The following CRY1 variants were observed in gnomAD, a reference collection of about 807,000 sequenced individuals.
CRY1 encodes the protein cryptochrome-1.
A neutral mutation model predicts 76.0 loss-of-function variants in CRY1; 45 were observed. The observed-to-expected ratio is 0.59, with a 90% CI of 0.47 to 0.76. CRY1 has a LOEUF of 0.76. Ranked by LOEUF, CRY1 falls within the 30% of genes least tolerant of loss-of-function variation. The pLI is 0.00. For missense variants in CRY1, 587 were observed against 716.4 expected, an observed-to-expected ratio of 0.82 and a Z score of 2.06; for synonymous variants, 248 against 244.0, an observed-to-expected ratio of 1.02 and a Z score of -0.15.
At chr12:107,071,710 A>G (rs1231253358) in intron 1 of CRY1, among the ~76,000 whole-genome samples, 2 of 152,226 alleles carry the variant, frequency 1.3e-5, no homozygotes, top group African/African-American at 4.8e-5. Flanking sequence ...AGAAGAAAAA[A>G]ATAAATATCT....
chr12:107,009,563 CAT>C lies in CRY1; in HGVS notation c.268-4317_268-4316del, dbSNP rs869185018. ...CAGAAAAAACAAAAAAACAAAAAAA[CAT>C]ATATATATATATATATATATATATA... is the stretch of plus-strand genomic sequence containing the variant. On this transcript the variant is annotated intron_variant, in intron 2 of 12. Transcript: ENST00000008527. Among the ~76,000 whole-genome samples the C allele has an allele frequency of 2.7e-3, 250 of 90,942 alleles. 1 individual carries two copies. Among genetic ancestry groups the C allele is most frequent in the Non-Finnish European group, 3.8e-3 (183 of 48,250 alleles). The allele number at this position is 90,942 out of a possible 152,430, so 59.7% of individuals were successfully genotyped here.
chr12:107,066,631 AATTTTTGT>A (rs1953114855), intron 1 of CRY1, among the ~76,000 whole-genome samples: 1 of 151,954 alleles, frequency 6.6e-6, no homozygotes. Context: ...ACATCTGGCT[AATTTTTGT>A]ATTTTTTGTT....
chr12:107,075,964 C>T (rs540923567), intron 1 of CRY1, among the ~76,000 whole-genome samples: 33 of 152,112 alleles, frequency 2.2e-4, no homozygotes, highest in African/African-American at 7.7e-4. Flanking sequence ...TTGACATTTA[C>T]TGTGATATAG....
At chr12:107,084,219 T>C (rs879843915) in intron 1 of CRY1, among the ~76,000 whole-genome samples, 1 of 152,168 alleles carries the variant, frequency 6.6e-6, no homozygotes, top group Non-Finnish European at 1.5e-5. Flanking sequence ...TGCTCATGGA[T>C]AGGAAGAATC....
chr12:107,000,383 G>T (rs1339068103), intron 5 of CRY1, among the ~76,000 whole-genome samples: 1 of 150,846 alleles, frequency 6.6e-6, no homozygotes, highest in Admixed American at 6.6e-5. Flanking sequence ...ACAGGGTCTC[G>T]CTCTGTCACC....
intron 1 of CRY1, among the ~76,000 whole-genome samples, chr12:107,051,029 A>T (rs1952913068): frequency 6.6e-6 from 1 of 152,204 alleles, no homozygotes; most frequent in Non-Finnish European, 1.5e-5. Context: ...ATAGCCACTA[A>T]ATATGATGTG....
chr12:107,088,845 G>A (rs745751618), intron 1 of CRY1, among the ~76,000 whole-genome samples: 1 of 152,126 alleles, frequency 6.6e-6, no homozygotes, highest in Non-Finnish European at 1.5e-5. Context: ...TCACCTTCTA[G>A]AACAGTTTCA....
Position 106,991,499 on chromosome 12 carries a change from T to TA in CRY1, c.*502dup, listed in dbSNP as rs1441660932. ...GGTTTACATCAAAGTTTAAAACATATACTGTCTGTGTTAACAGAGGCTACA... is the reference window on the plus strand; with the variant it reads ...GGTTTACATCAAAGTTTAAAACATATAACTGTCTGTGTTAACAGAGGCTACA... On this transcript the variant is annotated 3_prime_UTR_variant, in exon 13 of 13. Coordinates refer to ENST00000008527, the MANE Select transcript of CRY1 (RefSeq NM_004075.5). 2.0e-5 allele frequency: 3 copies of TA among 152,640 alleles called. No homozygotes were observed. The highest frequency in any genetic ancestry group is 2.9e-5 in the Non-Finnish European group (2 of 68,036). 9.5% of individuals were successfully genotyped at this position (152,640 alleles called of 1,614,324 possible). A position where few individuals can be genotyped will look rare whatever the true frequency, so the allele number is the denominator to read the frequency against.
chr12:107,067,549 T>C (rs1953127980), intron 1 of CRY1, among the ~76,000 whole-genome samples: 1 of 151,660 alleles, frequency 6.6e-6, no homozygotes, highest in African/African-American at 2.4e-5. Flanking sequence ...GGAAGACTTT[T>C]CTCTTTTCAA....
At chr12:107,015,550 G>T (rs938566061) in intron 2 of CRY1, among the ~76,000 whole-genome samples, 1 of 152,182 alleles carries the variant, frequency 6.6e-6, no homozygotes, top group African/African-American at 2.4e-5. Context: ...TCAGCATGTT[G>T]TCCAGGCTTA....
At chr12:107,063,825 T>A (rs764019836) in intron 1 of CRY1, among the ~76,000 whole-genome samples, 2 of 152,130 alleles carry the variant, frequency 1.3e-5, no homozygotes, top group African/African-American at 4.8e-5. Context: ...CTCGAATCCC[T>A]GACCTCATGT....
rs762311745 is a variant in CRY1, at chr12:106,997,894, TA to T, written c.1289+20del. 1 of 1,609,172 alleles carries T rather than the reference TA, an allele frequency of 6.2e-7. No homozygotes were observed. The highest frequency in any genetic ancestry group is 2.2e-5 in the East Asian group (1 of 44,830). On this transcript the variant is annotated intron_variant, in intron 8 of 12. Coordinates refer to ENST00000008527, the MANE Select transcript of CRY1 (RefSeq NM_004075.5). The stretch of plus-strand genomic sequence containing the variant: ...CTTGAATTAACTATTCCAAACTGAG[TA>T]GTAATCACCCTTGATTTACCTGATA...
chr12:107,005,286 T>C (rs1189832001), intron 2 of CRY1, 38 bp from the exon 3 acceptor site: 2 of 1,543,548 alleles, frequency 1.3e-6, no homozygotes, highest in Non-Finnish European at 1.7e-6. Context: ...ACACCAATTG[T>C]AATAGTTATT....
intron 7 of CRY1, among the ~76,000 whole-genome samples, chr12:106,998,633 G>A (rs914575362): frequency 2.8e-5 from 4 of 143,612 alleles, no homozygotes; most frequent in Non-Finnish European, 4.5e-5. Flanking sequence ...TGTATACAAC[G>A]GTGTACTAGG....
intron 2 of CRY1, among the ~76,000 whole-genome samples, chr12:107,011,968 A>G (rs1229037450): frequency 6.6e-6 from 1 of 152,156 alleles, no homozygotes; most frequent in Non-Finnish European, 1.5e-5. Context: ...AGGCAGGCAG[A>G]TGCTTGAGGT....
At chr12:107,074,394 C>G (rs1023839980) in intron 1 of CRY1, among the ~76,000 whole-genome samples, 1 of 152,050 alleles carries the variant, frequency 6.6e-6, no homozygotes, top group Non-Finnish European at 1.5e-5. Flanking sequence ...AATAAAAATA[C>G]GTGTCATTAA....
intron 1 of CRY1, among the ~76,000 whole-genome samples, chr12:107,037,568 G>T (rs150665742): frequency 4.9e-4 from 74 of 152,128 alleles, no homozygotes; most frequent in Admixed American, 4.5e-3. Context: ...GGTTCTACTG[G>T]GAGTCAATCA....
intron 3 of CRY1, among the ~76,000 whole-genome samples, chr12:107,003,680 G>A (rs1017459994): frequency 2.0e-5 from 3 of 152,044 alleles, no homozygotes; most frequent in Non-Finnish European, 4.4e-5. Context: ...TAATACTACT[G>A]AGGACATTGT....
At chr12:106,993,232 T>C (rs1292122327) in intron 10 of CRY1, among the ~76,000 whole-genome samples, 196 bp from the exon 11 acceptor site, 1 of 151,998 alleles carries the variant, frequency 6.6e-6, no homozygotes, top group East Asian at 1.9e-4. Context: ...CACAGAAGTG[T>C]TGACAGCTCA....
Sources: gnomAD v4.1 joint callset for allele counts (sites outside exome capture counted in the v4.1 genomes callset) on GRCh38, gnomAD v4.1.1 for gene constraint, MANE v1.5 for transcripts, NCBI Gene and HGNC (gene_info 2026-07-23, HGNC 2026-07-21) for gene names.